Variants in LRP1B observed in about 807,000 individuals in gnomAD.
LRP1B encodes the protein low-density lipoprotein receptor-related protein 1B.
LRP1B carries 217 observed loss-of-function variants against 556.6 expected under a neutral mutation model. That is an observed-to-expected ratio of 0.39 (90% CI 0.35 to 0.44). The LOEUF is 0.44. Among genes scored for constraint, LRP1B ranks in the 20% least tolerant of loss-of-function variants. LRP1B has a pLI of 1.00. For synonymous variants in LRP1B, 2,047 were observed against 1,865.8 expected (o/e 1.10, Z -2.50); for missense variants, 5,053 against 5,620.8 (o/e 0.90, Z 3.23).
At chr2:140,970,287 T>G (rs973740244) in intron 18 of LRP1B, among the ~76,000 whole-genome samples, 1 of 152,348 alleles carries the variant, frequency 6.6e-6, no homozygotes, top group East Asian at 1.9e-4. Flanking sequence ...CTTCAATCAC[T>G]GACACCCTTT....
intron 1 of LRP1B, among the ~76,000 whole-genome samples, chr2:141,927,524 G>T (rs1014991107): frequency 6.6e-6 from 1 of 152,034 alleles, no homozygotes; most frequent in Non-Finnish European, 1.5e-5. Context: ...CTACTCATGA[G>T]TGGTAAGTAC....
chr2:140,284,899 T>C (rs1683070522), intron 84 of LRP1B, among the ~76,000 whole-genome samples: 3 of 102,890 alleles, frequency 2.9e-5, no homozygotes, highest in Admixed American at 1.9e-4. Context: ...TATATGGATA[T>C]CTATATACCT....
In LRP1B at chr2:141,799,932, C is replaced by A. The variant is rs1040596336; in HGVS notation, c.205+10347G>T. ...ATGTGCATATGTATATAAATATTAACCTATATAAATTATACATTTATTACC... is the reference window on the plus strand; with the variant it reads ...ATGTGCATATGTATATAAATATTAAACTATATAAATTATACATTTATTACC... On this transcript the variant is annotated intron_variant, in intron 2 of 90. Transcript: ENST00000389484. 2.6e-5 allele frequency among the ~76,000 whole-genome samples: 4 copies of A among 151,682 alleles called. No individual in the cohort carries two copies. The East Asian group carries it at 7.8e-4, about 29-fold the overall frequency.
intron 84 of LRP1B, among the ~76,000 whole-genome samples, chr2:140,278,052 C>T (rs1682758471): frequency 6.6e-6 from 1 of 151,712 alleles, no homozygotes; most frequent in African/African-American, 2.4e-5. Context: ...CACACACACA[C>T]ACACAAAATG....
chr2:140,374,042 G>C (rs1200682859), intron 68 of LRP1B, among the ~76,000 whole-genome samples: 1 of 152,078 alleles, frequency 6.6e-6, no homozygotes, highest in Non-Finnish European at 1.5e-5. Flanking sequence ...GCTGTGAAAT[G>C]AACTGTCAAA....
intron 6 of LRP1B, among the ~76,000 whole-genome samples, chr2:141,208,889 A>T (rs1203220931): frequency 2.7e-5 from 1 of 36,934 alleles, no homozygotes; most frequent in Non-Finnish European, 8.2e-5. Flanking sequence ...AAAAAAAAAA[A>T]AAAAAAAAAA....
In LRP1B at chr2:142,038,065, A is replaced by C. The variant is rs967360167; in HGVS notation, c.82+92583T>G. On this transcript the variant is annotated intron_variant, in intron 1 of 90. Transcript: ENST00000389484. ...GATCCAGTTCTATTCTCAAAATAAT[A>C]TTAAAAAAATAAATTCCCTCTTCAA... Among the ~76,000 whole-genome samples the C allele has an allele frequency of 3.3e-5, 5 of 151,564 alleles. No individual in the cohort carries two copies. The East Asian group carries it at 9.7e-4, about 29-fold the overall frequency.
intron 14 of LRP1B, among the ~76,000 whole-genome samples, chr2:141,007,352 ATCATT>A (rs1222471356): frequency 6.6e-6 from 1 of 151,918 alleles, no homozygotes; most frequent in Non-Finnish European, 1.5e-5. Context: ...AAAGTATATT[ATCATT>A]TCATTATCTT....
At chr2:141,760,369 A>T (rs1694495925) in intron 2 of LRP1B, among the ~76,000 whole-genome samples, 1 of 152,176 alleles carries the variant, frequency 6.6e-6, no homozygotes, top group Non-Finnish European at 1.5e-5. Context: ...TTTGTGTGAA[A>T]ATGTCATAAT....
At chr2:140,973,298 T>C (rs1296859629) in intron 18 of LRP1B, among the ~76,000 whole-genome samples, 2 of 151,894 alleles carry the variant, frequency 1.3e-5, no homozygotes, top group Non-Finnish European at 2.9e-5. Context: ...TATGATTTGG[T>C]TAAAGCTTCA....
At chr2:141,485,038 T>C (rs1683072404) in intron 2 of LRP1B, among the ~76,000 whole-genome samples, 1 of 152,100 alleles carries the variant, frequency 6.6e-6, no homozygotes, top group South Asian at 2.1e-4. Context: ...CTCAGCTACT[T>C]ATAAATTTTG....
intron 31 of LRP1B, among the ~76,000 whole-genome samples, chr2:140,819,303 A>C (rs971956233): frequency 1.3e-5 from 2 of 152,208 alleles, no homozygotes; most frequent in Admixed American, 6.5e-5. Flanking sequence ...TAATTACTAA[A>C]AATGTTGAGA....
chr2:141,967,645 C>A (rs1444364081), intron 1 of LRP1B, among the ~76,000 whole-genome samples: 3 of 151,630 alleles, frequency 2.0e-5, no homozygotes, highest in Non-Finnish European at 4.4e-5. Flanking sequence ...AGATGAAAAC[C>A]CCTATAAAGC....
intron 86 of LRP1B, among the ~76,000 whole-genome samples, chr2:140,260,453 T>G (rs980884211): frequency 6.6e-6 from 1 of 151,880 alleles, no homozygotes; most frequent in South Asian, 2.1e-4. Flanking sequence ...TTAATACTTT[T>G]CTCTGTGTAT....
intron 25 of LRP1B, among the ~76,000 whole-genome samples, chr2:140,871,603 G>A (rs1213236350): frequency 6.6e-6 from 1 of 151,324 alleles, no homozygotes; most frequent in Admixed American, 6.6e-5. Context: ...GTTTCTATTA[G>A]TTATTTTTTA....
chr2:141,323,309 T>C (rs1486352880), intron 3 of LRP1B, among the ~76,000 whole-genome samples: 1 of 152,088 alleles, frequency 6.6e-6, no homozygotes, highest in African/African-American at 2.4e-5. Flanking sequence ...GGAACACAAG[T>C]ACAAATATCC....
intron 1 of LRP1B, among the ~76,000 whole-genome samples, chr2:142,091,365 A>T (rs1434245718): frequency 2.0e-5 from 3 of 152,116 alleles, no homozygotes; most frequent in African/African-American, 7.2e-5. Context: ...ACTTCTCTGT[A>T]TGTCTCATAT....
intron 2 of LRP1B, among the ~76,000 whole-genome samples, chr2:141,655,235 A>G (rs1325682604): frequency 6.6e-6 from 1 of 152,160 alleles, no homozygotes; most frequent in East Asian, 1.9e-4. Flanking sequence ...ATTTATATTC[A>G]TGCTTTTCAT....
chr2:142,093,378 T>A (rs546717229), intron 1 of LRP1B, among the ~76,000 whole-genome samples: 7 of 152,196 alleles, frequency 4.6e-5, no homozygotes, highest in Admixed American at 3.3e-4. Context: ...TCACAAAAAA[T>A]TAACCTTTAT....
Sources: allele counts gnomAD v4.1 joint callset (sites outside exome capture counted in the v4.1 genomes callset), GRCh38; gene constraint gnomAD v4.1.1; transcripts MANE v1.5; gene names NCBI Gene and HGNC (gene_info 2026-07-23, HGNC 2026-07-21).